Variants in ST3GAL5 observed in about 807,000 individuals in gnomAD.
The protein encoded by ST3GAL5 is ST3 beta-galactoside alpha-2,3-sialyltransferase 5, also known as lactosylceramide alpha-2,3-sialyltransferase.
In ST3GAL5, 25 loss-of-function variants were observed where a neutral mutation model predicts 46.1. The ratio of observed to expected loss-of-function variants is 0.54; its 90% confidence interval spans 0.40 to 0.76. The LOEUF (loss-of-function observed/expected upper bound fraction) is 0.76, where lower values mean the gene tolerates loss of function less well. Ranked by LOEUF, ST3GAL5 falls within the 30% of genes least tolerant of loss-of-function variation. The pLI, the probability that ST3GAL5 is intolerant of heterozygous loss-of-function variation, is 0.00. For missense variants in ST3GAL5, 431 were observed against 521.2 expected, an observed-to-expected ratio of 0.83 and a Z score of 1.69; for synonymous variants, 182 against 192.7, an observed-to-expected ratio of 0.94 and a Z score of 0.46.
At position 85,875,032 on chromosome 2, in the gene ST3GAL5, C is replaced by G. The variant is rs535155492; in HGVS notation, c.83-11547G>C. ...ACAATATAAAATGACTGTCTCCCCCCCACCATGGAAGAAAATGGCAAACGG... is the reference window on the plus strand; with the variant it reads ...ACAATATAAAATGACTGTCTCCCCCGCACCATGGAAGAAAATGGCAAACGG... On this transcript the variant is annotated intron_variant, in intron 1 of 6. Transcript: ENST00000638572. Among the ~76,000 whole-genome samples the G allele has an allele frequency of 7.9e-5, 12 of 152,138 alleles. No homozygotes were observed. The East Asian group carries it at 1.2e-3, about 15-fold the overall frequency.
At chr2:85,844,347 A>G (rs772363366) in intron 6 of ST3GAL5, 49 bp downstream of exon 6, 11 of 1,613,326 alleles carry the variant, frequency 6.8e-6, no homozygotes, top group East Asian at 4.5e-5. Flanking sequence ...ATTTGTACAC[A>G]TCGCCCCTCA....
At chr2:85,870,186 T>C (rs1467427197) in intron 1 of ST3GAL5, 1 of 470,718 alleles carries the variant, frequency 2.1e-6, no homozygotes, top group Admixed American at 2.3e-5. Context: ...ACGTTTGTCT[T>C]GTCTCCCCCA....
At position 85,837,796 on chromosome 2, in the gene ST3GAL5, T is replaced by C. The variant is rs560213737; in HGVS notation, c.*2348A>G. On this transcript the variant is annotated 3_prime_UTR_variant, in exon 7 of 7. Transcript: ENST00000638572. ...AGCATGTTAAAATACAGAACATGTGTAAGTCTTCCTAAGTTGCCTCAGAAC... is the reference window on the plus strand; with the variant it reads ...AGCATGTTAAAATACAGAACATGTGCAAGTCTTCCTAAGTTGCCTCAGAAC... 3 of 152,296 alleles carry C rather than the reference T, an allele frequency of 2.0e-5. No homozygotes were observed. Among genetic ancestry groups the C allele is most frequent in the Admixed American group, 6.5e-5 (1 of 15,296 alleles). 9.4% of individuals were successfully genotyped at this position (152,296 alleles called of 1,614,324 possible).
intron 2 of ST3GAL5, 140 bp from the exon 3 acceptor site, chr2:85,861,432 A>G (rs1278319334): frequency 7.3e-6 from 5 of 680,314 alleles, no homozygotes; most frequent in Admixed American, 6.3e-5. Flanking sequence ...ATTGGGGTGA[A>G]AGGAAGGGGC....
intron 6 of ST3GAL5, 45 bp downstream of exon 6, chr2:85,844,351 C>A: frequency 6.2e-7 from 1 of 1,613,488 alleles, no homozygotes; most frequent in Non-Finnish European, 8.5e-7. Context: ...GTACACATCG[C>A]CCCTCAAACA....
At chr2:85,843,919 T>C (rs1384772408) in intron 6 of ST3GAL5, among the ~76,000 whole-genome samples, 4 of 152,172 alleles carry the variant, frequency 2.6e-5, no homozygotes, top group Non-Finnish European at 5.9e-5. Flanking sequence ...AAAACACTGT[T>C]CTTGAGGATT....
intron 1 of ST3GAL5, among the ~76,000 whole-genome samples, chr2:85,882,292 C>T (rs961051763): frequency 6.6e-6 from 1 of 152,182 alleles, no homozygotes; most frequent in African/African-American, 2.4e-5. Context: ...TACTGGGGCA[C>T]TACCTAGTGG....
chr2:85,878,358 T>G (rs1361293343), intron 1 of ST3GAL5, among the ~76,000 whole-genome samples: 1 of 152,238 alleles, frequency 6.6e-6, no homozygotes, highest in Admixed American at 6.5e-5. Flanking sequence ...CTCTGCTCTT[T>G]GCATAGATAT....
At chr2:85,870,979 A>G (rs1301803403) in intron 1 of ST3GAL5, among the ~76,000 whole-genome samples, 2 of 152,112 alleles carry the variant, frequency 1.3e-5, no homozygotes, top group African/African-American at 2.4e-5. Flanking sequence ...GGATACATGC[A>G]TACAATTTAC....
At chr2:85,843,475 A>G (rs1682398135) in intron 6 of ST3GAL5, among the ~76,000 whole-genome samples, 1 of 152,196 alleles carries the variant, frequency 6.6e-6, no homozygotes, top group African/African-American at 2.4e-5. Context: ...CTTTTATTTG[A>G]TTATTGGTAA....
In ST3GAL5 at chr2:85,851,159, C is replaced by G. The variant is rs148947089; in HGVS notation, c.319-2955G>C. The G allele has an allele frequency of 1.2e-3, 919 of 757,860 alleles. 6 individuals carry two copies. The African/African-American group carries it at 0.016, about 13-fold the overall frequency. The allele number at this position is 757,860 out of a possible 1,614,324, so 46.9% of individuals were successfully genotyped here. ...CTCAAACTCCTGACCTAGTGATCCACCTGCCTCCACCTTCCAAAGTTCTGG... is the reference window on the plus strand; with the variant it reads ...CTCAAACTCCTGACCTAGTGATCCAGCTGCCTCCACCTTCCAAAGTTCTGG... On this transcript the variant is annotated intron_variant, in intron 3 of 6. Transcript: ENST00000638572.
At chr2:85,868,953 G>C (rs1343627478) in intron 1 of ST3GAL5, among the ~76,000 whole-genome samples, 1 of 152,162 alleles carries the variant, frequency 6.6e-6, no homozygotes, top group African/African-American at 2.4e-5. Flanking sequence ...AAAACGATCA[G>C]ACTGCAGGGG....
At chr2:85,850,763 G>A (rs116540921) in intron 3 of ST3GAL5, 8 of 152,324 alleles carry the variant, frequency 5.3e-5, no homozygotes, top group African/African-American at 9.6e-5. Flanking sequence ...TGATGGCCAC[G>A]GGACTAGAAA....
rs765464849 is a variant in ST3GAL5 at position 85,840,127 on chromosome 2, A to G, written c.*17T>C. 3.1e-5 allele frequency: 50 copies of G among 1,614,080 alleles called. No individual in the cohort carries two copies. The East Asian group carries it at 8.5e-4, about 27-fold the overall frequency. On this transcript the variant is annotated 3_prime_UTR_variant, in exon 7 of 7. Transcript: ENST00000638572. ...TCTCAGAGTTAGAGTTGCATTTTCAACTGAGGTTTTCTGTGTTCAAAATTC... is the reference window on the plus strand; with the variant it reads ...TCTCAGAGTTAGAGTTGCATTTTCAGCTGAGGTTTTCTGTGTTCAAAATTC...
chr2:85,863,543 G>T, intron 1 of ST3GAL5, 58 bp from the exon 2 acceptor site: 1 of 1,594,558 alleles, frequency 6.3e-7, no homozygotes, highest in Non-Finnish European at 8.6e-7. Flanking sequence ...TTAGGAGGAT[G>T]GATTATGGTT....
chr2:85,884,584 A>ACTTTCTGCAGTC (rs1396232832), intron 1 of ST3GAL5, among the ~76,000 whole-genome samples: 5 of 152,202 alleles, frequency 3.3e-5, no homozygotes, highest in Non-Finnish European at 5.9e-5. Flanking sequence ...GGTGACAACA[A>ACTTTCTGCAGTC]CTGGACTGCA....
chr2:85,870,691 T>C (rs993167877), intron 1 of ST3GAL5, among the ~76,000 whole-genome samples: 1 of 152,130 alleles, frequency 6.6e-6, no homozygotes, highest in African/African-American at 2.4e-5. Flanking sequence ...TTTTTTTTTT[T>C]TTGAGACGGA....
intron 1 of ST3GAL5, 108 bp downstream of exon 1, chr2:85,888,715 GT>G (rs1351962996): frequency 1.4e-5 from 12 of 881,352 alleles, no homozygotes; most frequent in Non-Finnish European, 1.7e-5. Flanking sequence ...TGCCCGCGGG[GT>G]TCGAGGCGGA....
At chr2:85,848,829 T>C (rs1683131259) in intron 3 of ST3GAL5, 1 of 156,468 alleles carries the variant, frequency 6.4e-6, no homozygotes, top group South Asian at 1.9e-4. Context: ...ATTATGATGG[T>C]AAATTTTATG....
Sources: allele counts gnomAD v4.1 joint callset (sites outside exome capture counted in the v4.1 genomes callset), GRCh38; gene constraint gnomAD v4.1.1; transcripts MANE v1.5; gene names NCBI Gene and HGNC (gene_info 2026-07-23, HGNC 2026-07-21).